Variants in SMIM17 observed in about 807,000 individuals in gnomAD.
SMIM17 encodes small integral membrane protein 17.
Under a neutral mutation model 12.2 loss-of-function variants are expected in SMIM17, and 10 were observed. The ratio of observed to expected loss-of-function variants is 0.82; its 90% confidence interval spans 0.50 to 1.39. SMIM17 has a LOEUF of 1.39. SMIM17 is among the 40% of genes most tolerant of loss of function. The probability of loss-of-function intolerance (pLI) is 0.00; values close to 1 mark genes in which losing one functional copy is unlikely to be tolerated. For missense variants in SMIM17, 136 were observed against 118.2 expected (o/e 1.15, Z -0.70); for synonymous variants, 50 against 44.1 (o/e 1.13, Z -0.53).
Position 56,648,828 on chromosome 19 carries a change from A to T in SMIM17, c.246+1194A>T, listed in dbSNP as rs895229088. The stretch of plus-strand genomic sequence containing the variant: ...CTTTTTTGAGGAATAAGATATCAAT[A>T]TAAGAAAACCAGTGGTTCTTTCATT... On this transcript the variant is annotated intron_variant, in intron 3 of 3. Transcript: ENST00000598409. Among the ~76,000 whole-genome samples, 7 of 152,368 alleles carry T rather than the reference A, an allele frequency of 4.6e-5. No homozygotes were observed. In the South Asian group the frequency reaches 8.3e-4, roughly 18 times the overall value.
chr19:56,652,820 C>T (rs1258176797), intron 3 of SMIM17, among the ~76,000 whole-genome samples: 1 of 152,080 alleles, frequency 6.6e-6, no homozygotes. Context: ...TAGCAAAGGG[C>T]ATTTGTCAGA....
chr19:56,649,120 C>G (rs1431948913), intron 3 of SMIM17, among the ~76,000 whole-genome samples: 2 of 152,134 alleles, frequency 1.3e-5, no homozygotes, highest in Non-Finnish European at 1.5e-5. Flanking sequence ...CTTGGATATC[C>G]CAGAGAGGAG....
rs879822153 is a variant in SMIM17, at chr19:56,657,058, AC to A, written c.*1846del. Among the ~76,000 whole-genome samples the A allele has an allele frequency of 2.6e-3, 389 of 152,324 alleles. 1 individual carries two copies. The highest frequency in any genetic ancestry group is 9.0e-3 in the African/African-American group (375 of 41,574). Reference sequence around the variant, plus strand: ...TTAAAAACCAATAAGGTTATGTGAAACTTTGTTAGTACAATTGTTTTTGCTA... The same window carrying A: ...TTAAAAACCAATAAGGTTATGTGAAATTTGTTAGTACAATTGTTTTTGCTA... On this transcript the variant is annotated 3_prime_UTR_variant, in exon 4 of 4. Transcript: ENST00000598409.
At position 56,644,946 on chromosome 19, in the gene SMIM17, A is replaced by G. The variant is rs578260812; in HGVS notation, c.-100-622A>G. Among the ~76,000 whole-genome samples the G allele has an allele frequency of 8.5e-5, 13 of 152,298 alleles. No individual in the cohort carries two copies. In the East Asian group the frequency reaches 2.3e-3, roughly 27 times the overall value. ...GCTAATTTTTAAACTCCTGGGCTCA[A>G]GCAACCCTCCCACCTTGGTCTCCCA... On this transcript the variant is annotated intron_variant, in intron 1 of 3. Coordinates refer to ENST00000598409, the MANE Select transcript of SMIM17 (RefSeq NM_001193628.2).
chr19:56,651,075 G>A (rs756728593), intron 3 of SMIM17, among the ~76,000 whole-genome samples: 2 of 152,104 alleles, frequency 1.3e-5, no homozygotes, highest in Admixed American at 6.5e-5. Context: ...AAAGAAAGAG[G>A]AGCGGGCTGT....
chr19:56,655,357 A>C lies in SMIM17; in HGVS notation c.*144A>C, dbSNP rs181679256. 6.0e-6 allele frequency: 3 copies of C among 500,044 alleles called. No homozygotes were observed. Among genetic ancestry groups the C allele is most frequent in the Non-Finnish European group, 7.1e-6 (2 of 282,040 alleles). 31.0% of individuals were successfully genotyped at this position (500,044 alleles called of 1,614,324 possible). On this transcript the variant is annotated 3_prime_UTR_variant, in exon 4 of 4. Transcript: ENST00000598409. ...TCAAACATCCTTTGAGATGATTTTT[A>C]AAAAATTTTTGGTGTGAGTTTTCAC...
At chr19:56,648,093 CCATCCATCCA>C (rs2045079331) in intron 3 of SMIM17, among the ~76,000 whole-genome samples, 1 of 148,364 alleles carries the variant, frequency 6.7e-6, no homozygotes, top group African/African-American at 2.5e-5. Context: ...ATCCATCCAT[CCATCCATCCA>C]TCCCTATACT....
intron 3 of SMIM17, among the ~76,000 whole-genome samples, chr19:56,649,707 T>C (rs575049937): frequency 9.2e-5 from 14 of 151,852 alleles, no homozygotes; most frequent in Non-Finnish European, 1.8e-4. Flanking sequence ...CCTGGTACAT[T>C]TGGGGAACAC....
chr19:56,650,691 G>A (rs937395340), intron 3 of SMIM17, among the ~76,000 whole-genome samples: 6 of 152,196 alleles, frequency 3.9e-5, no homozygotes, highest in Non-Finnish European at 8.8e-5. Context: ...GAGGATAGGA[G>A]CGAATGGGAC....
intron 1 of SMIM17, among the ~76,000 whole-genome samples, chr19:56,645,136 TGTGA>T (rs1289262018): frequency 3.9e-5 from 6 of 152,084 alleles, no homozygotes; most frequent in Non-Finnish European, 7.4e-5. Context: ...TGAGTATGAA[TGTGA>T]GTGTGTGTGA....
intron 2 of SMIM17, among the ~76,000 whole-genome samples, chr19:56,647,316 TTC>T (rs2045070756): frequency 1.3e-5 from 2 of 151,990 alleles, no homozygotes; most frequent in Admixed American, 6.6e-5. Flanking sequence ...AGGTCTTTCA[TTC>T]TCTCAGCCCC....
rs905940640 is a variant in SMIM17 at position 56,645,559 on chromosome 19, G to C, written c.-100-9G>C. ...GTAATGATTCACTGAATGATGAAAT[G>C]TCCATCAGTCCTCAGGTTCTGAATC... On this transcript the variant is annotated splice_polypyrimidine_tract_variant and intron_variant, in intron 1 of 3. Transcript: ENST00000598409. 1 of 1,014,272 alleles carries C rather than the reference G, an allele frequency of 9.9e-7. No homozygotes were observed. The highest frequency in any genetic ancestry group is 1.7e-5 in the African/African-American group (1 of 60,280). The allele number at this position is 1,014,272 out of a possible 1,614,324, so 62.8% of individuals were successfully genotyped here.
chr19:56,645,367 G>A (rs2045055089), intron 1 of SMIM17, among the ~76,000 whole-genome samples: 1 of 152,108 alleles, frequency 6.6e-6, no homozygotes, highest in African/African-American at 2.4e-5. Flanking sequence ...TTCCAGCTTT[G>A]TCTCCAGAGC....
At chr19:56,648,223 C>G (rs1366089755) in intron 3 of SMIM17, among the ~76,000 whole-genome samples, 1 of 151,108 alleles carries the variant, frequency 6.6e-6, no homozygotes, top group East Asian at 1.9e-4. Flanking sequence ...ATCCACTTTT[C>G]CATCCACCCA....
At chr19:56,647,465 G>T in intron 2 of SMIM17, 93 bp from the exon 3 acceptor site, 2 of 809,860 alleles carry the variant, frequency 2.5e-6, no homozygotes, top group South Asian at 1.7e-5. Flanking sequence ...GCTATTACTA[G>T]AAAAGGGACA....
At position 56,646,770 on chromosome 19, in the gene SMIM17, A is replaced by G. The variant is rs570751601; in HGVS notation, c.170-788A>G. Among the ~76,000 whole-genome samples the G allele has an allele frequency of 2.6e-5, 4 of 152,274 alleles. No individual in the cohort carries two copies. In the South Asian group the frequency reaches 8.3e-4, roughly 32 times the overall value. On this transcript the variant is annotated intron_variant, in intron 2 of 3. Transcript: ENST00000598409. Reference sequence around the variant, plus strand: ...GCTGATGGATGTGGAGAAGGGGAGGAAACGAGAGGTATCATGATGACTTTT... The same window carrying G: ...GCTGATGGATGTGGAGAAGGGGAGGGAACGAGAGGTATCATGATGACTTTT...
At chr19:56,654,493 G>C (rs1452277471) in intron 3 of SMIM17, among the ~76,000 whole-genome samples, 1 of 152,216 alleles carries the variant, frequency 6.6e-6, no homozygotes, top group African/African-American at 2.4e-5. Context: ...CCAGGGTGGT[G>C]GTAGTGAAGG....
intron 1 of SMIM17, among the ~76,000 whole-genome samples, chr19:56,645,309 A>C (rs980502633): frequency 5.3e-5 from 8 of 151,930 alleles, no homozygotes; most frequent in African/African-American, 1.9e-4. Flanking sequence ...ATATGGGAGT[A>C]TGTGAGTGTG....
chr19:56,650,863 C>T lies in SMIM17; in HGVS notation c.246+3229C>T, dbSNP rs553468278. Among the ~76,000 whole-genome samples, 12 of 152,278 alleles carry T rather than the reference C, an allele frequency of 7.9e-5. No homozygotes were observed. In the South Asian group the frequency reaches 1.9e-3, roughly 24 times the overall value. ...GGCAGTTTGGAAGAAATGACAAGGTCGATTTTAGACATGCTGCTTGGGAGA... is the reference window on the plus strand; with the variant it reads ...GGCAGTTTGGAAGAAATGACAAGGTTGATTTTAGACATGCTGCTTGGGAGA... On this transcript the variant is annotated intron_variant, in intron 3 of 3. Coordinates refer to ENST00000598409, the MANE Select transcript of SMIM17 (RefSeq NM_001193628.2).
Sources: allele counts gnomAD v4.1 joint callset (sites outside exome capture counted in the v4.1 genomes callset), GRCh38; gene constraint gnomAD v4.1.1; transcripts MANE v1.5; gene names NCBI Gene and HGNC (gene_info 2026-07-23, HGNC 2026-07-21).